SYNE1: variants seen among roughly 807,000 people sequenced by gnomAD.
SYNE1 encodes the protein nesprin-1.
In SYNE1, 616 loss-of-function variants were observed where a neutral mutation model predicts 1,111.0. The observed-to-expected ratio is 0.55, with a 90% CI of 0.52 to 0.59. SYNE1 has a LOEUF of 0.59. SYNE1 is among the 20% of genes least tolerant of loss of function. The pLI, the probability that SYNE1 is intolerant of heterozygous loss-of-function variation, is 0.00. For synonymous variants in SYNE1, 3,855 were observed against 3,825.8 expected (o/e 1.01, Z -0.28); for missense variants, 10,006 against 10,417.0 (o/e 0.96, Z 1.72).
chr6:152,145,412 ACAG>A (rs2059298477), intron 137 of SYNE1: 8 of 1,388,740 alleles, frequency 5.8e-6, no homozygotes, highest in Non-Finnish European at 7.1e-6. Flanking sequence ...TGGGAGAGAG[ACAG>A]CAGATGTGCT....
intron 3 of SYNE1, among the ~76,000 whole-genome samples, chr6:152,600,281 A>G (rs2099593084): frequency 6.6e-6 from 1 of 152,228 alleles, no homozygotes; most frequent in Non-Finnish European, 1.5e-5. Context: ...TGAGAGTCCA[A>G]ACAGATCTCA....
At chr6:152,377,632 AAAAAAAAAATATATAT>A (rs1303937459) in intron 56 of SYNE1, among the ~76,000 whole-genome samples, 55 of 85,430 alleles carry the variant, frequency 6.4e-4, no homozygotes, top group African/African-American at 2.9e-3. Flanking sequence ...AAAAAAAAAA[AAAAAAAAAATATATAT>A]ATATATATAT....
At chr6:152,505,139 G>A in intron 9 of SYNE1, 62 bp downstream of exon 9, 1 of 1,569,906 alleles carries the variant, frequency 6.4e-7, no homozygotes, top group South Asian at 1.1e-5. Flanking sequence ...TGTATTTCTG[G>A]GTTTAAGACA....
At chr6:152,550,108 C>A (rs115446741) in intron 3 of SYNE1, among the ~76,000 whole-genome samples, 1 of 152,112 alleles carries the variant, frequency 6.6e-6, no homozygotes, top group Non-Finnish European at 1.5e-5. Flanking sequence ...ACCCTACACC[C>A]TAGTGATATA....
In SYNE1 at chr6:152,430,785, AAG is replaced by A. The variant is rs568721005; in HGVS notation, c.4462-78_4462-77del. On this transcript the variant is annotated intron_variant, in intron 34 of 145. Coordinates refer to ENST00000367255, the MANE Select transcript of SYNE1 (RefSeq NM_182961.4). ...TCCTGAAATGATACAATTATCTGCA[AAG>A]AGGGAATATTTTCTTAACTGATATT... 1,529 of 1,326,852 alleles carry A rather than the reference AAG, an allele frequency of 1.2e-3. 28 individuals carry two copies. In the Admixed American group the frequency reaches 0.022, roughly 19 times the overall value. 82.2% of individuals were successfully genotyped at this position (1,326,852 alleles called of 1,614,324 possible).
Position 152,455,461 on chromosome 6 carries a change from T to C in SYNE1, c.2857A>G (p.Lys953Glu), listed in dbSNP as rs1232661028. 5 of 1,613,994 alleles carry C rather than the reference T, an allele frequency of 3.1e-6. No individual in the cohort carries two copies. The African/African-American group carries it at 5.3e-5, about 17-fold the overall frequency. The stretch of plus-strand genomic sequence containing the variant: ...CGCAGGAGCTCCTCTGGATCCCCCT[T>C]TTCCTCCAGGCCCTCCTGAGCAATC... ...LRIAQEGLEE[K>E]GDPEELLRRH... The change falls in exon 24 of 146, where the codon AAG becomes GAG. Residue 953 changes from lysine (K) to glutamate (E), a missense_variant. By Grantham distance (56) the Lys-to-Glu change is moderately conservative. Around this residue, in one of 7 missense-constraint regions of SYNE1, gnomAD observed 1,971 missense variants for 2,084.1 expected, o/e 0.95. Coordinates refer to ENST00000367255, the MANE Select transcript of SYNE1 (RefSeq NM_182961.4).
At chr6:152,173,655 C>T (rs1168308072) in intron 130 of SYNE1, among the ~76,000 whole-genome samples, 1 of 152,186 alleles carries the variant, frequency 6.6e-6, no homozygotes, top group Non-Finnish European at 1.5e-5. Context: ...GTGACTGTGA[C>T]TCTAACATGG....
chr6:152,307,743 A>T (rs941530744), intron 91 of SYNE1, among the ~76,000 whole-genome samples: 3 of 152,346 alleles, frequency 2.0e-5, no homozygotes, highest in South Asian at 2.1e-4. Context: ...GAAAATTAGC[A>T]AAGTAAACAA....
At chr6:152,512,070 C>T (rs142576787) in intron 6 of SYNE1, among the ~76,000 whole-genome samples, 2,649 of 150,358 alleles carry the variant, frequency 0.018, 36 homozygotes, top group Middle Eastern at 0.034. Context: ...TAATAAAAAG[C>T]TCAGATGTTT....
chr6:152,605,036 G>A (rs1182185153), intron 3 of SYNE1, among the ~76,000 whole-genome samples: 2 of 39,392 alleles, frequency 5.1e-5, no homozygotes, highest in Non-Finnish European at 1.1e-4. Context: ...GAGAGAGAGA[G>A]GGAGGGAGGG....
chr6:152,447,790 A>G (rs1177807241), intron 28 of SYNE1, among the ~76,000 whole-genome samples, 168 bp from the exon 29 acceptor site: 1 of 152,250 alleles, frequency 6.6e-6, no homozygotes, highest in Non-Finnish European at 1.5e-5. Flanking sequence ...ACTTTTAACA[A>G]AAGTCCACAA....
intron 56 of SYNE1, among the ~76,000 whole-genome samples, chr6:152,379,454 A>T (rs749211247): frequency 3.9e-5 from 6 of 152,114 alleles, no homozygotes; most frequent in African/African-American, 1.4e-4. Flanking sequence ...ATCTAATTGC[A>T]TAAAATAAAT....
At position 152,395,640 on chromosome 6, in the gene SYNE1, A is replaced by G. The variant is rs752534645; in HGVS notation, c.7588T>C (p.Trp2530Arg). 19 of 1,614,178 alleles carry G rather than the reference A, an allele frequency of 1.2e-5. No homozygotes were observed. Among genetic ancestry groups the G allele is most frequent in the Non-Finnish European group, 1.5e-5 (18 of 1,180,020 alleles). The change falls in exon 51 of 146, where the codon TGG (tryptophan) becomes CGG (arginine). Residue 2530 changes from tryptophan (W) to arginine (R), a missense_variant. Trp to Arg is a moderately radical substitution (Grantham distance 101). Transcript: ENST00000367255. ...FEDQHRKLNLWIHEMEERFNT... is the reference protein window; with the variant it reads ...FEDQHRKLNLRIHEMEERFNT... ...AACCTTTCTTCCATTTCATGGATCC[A>G]TAAGTTCAGTTTTCTGTGCTGATCT...
intron 36 of SYNE1, 119 bp downstream of exon 36, chr6:152,429,992 AC>A (rs2098413615): frequency 2.8e-6 from 2 of 711,960 alleles, no homozygotes; most frequent in Non-Finnish European, 5.0e-6. Context: ...TAATTACTCA[AC>A]TAATATAAAC....
At chr6:152,140,837 T>C (rs1035785427) in intron 139 of SYNE1, among the ~76,000 whole-genome samples, 12 of 151,700 alleles carry the variant, frequency 7.9e-5, no homozygotes, top group Non-Finnish European at 5.9e-5. Flanking sequence ...ATGGAGACCA[T>C]CCTGGCTAAC....
Position 152,520,366 on chromosome 6 carries a change from C to T in SYNE1, c.309+93G>A. The T allele has an allele frequency of 4.3e-6, 5 of 1,152,658 alleles. No individual in the cohort carries two copies. In the South Asian group the frequency reaches 4.9e-5, roughly 11 times the overall value. The allele number at this position is 1,152,658 out of a possible 1,614,324, so 71.4% of individuals were successfully genotyped here. A position where few individuals can be genotyped will look rare whatever the true frequency, so the allele number is the denominator to read the frequency against. On this transcript the variant is annotated intron_variant, in intron 6 of 145. Transcript: ENST00000367255. ...CTAGGCTGTATAGATTACATGCCAT[C>T]CTCCTATCTGACTACAGATAGGAGC...
At chr6:152,136,404 G>A (rs1018681095) in intron 141 of SYNE1, among the ~76,000 whole-genome samples, 1 of 152,210 alleles carries the variant, frequency 6.6e-6, no homozygotes, top group African/African-American at 2.4e-5. Flanking sequence ...TTCTTATCTG[G>A]ACAGAAGATA....
chr6:152,389,650 C>T (rs896413010), intron 53 of SYNE1, among the ~76,000 whole-genome samples: 2 of 152,182 alleles, frequency 1.3e-5, no homozygotes, highest in African/African-American at 4.8e-5. Context: ...AAGGACTTCC[C>T]TGCTTCCTCA....
At chr6:152,366,161 C>T (rs1386212462) in intron 62 of SYNE1, among the ~76,000 whole-genome samples, 1 of 151,594 alleles carries the variant, frequency 6.6e-6, no homozygotes, top group African/African-American at 2.4e-5. Flanking sequence ...GGAGAAACCC[C>T]GTCTCTACTA....
Sources: gnomAD v4.1 joint callset for allele counts (sites outside exome capture counted in the v4.1 genomes callset) on GRCh38, gnomAD v4.1.1 for gene constraint, gnomAD v4.1.1 regional missense constraint, MANE v1.5 for transcripts, NCBI Gene and HGNC (gene_info 2026-07-23, HGNC 2026-07-21) for gene names.